The following MLXIP variants were observed in gnomAD, a reference collection of about 807,000 sequenced individuals.
MLXIP encodes MLX interacting protein, also known as MLX-interacting protein.
In MLXIP, 30 loss-of-function variants were observed where a neutral mutation model predicts 87.2. The ratio of observed to expected loss-of-function variants is 0.34; its 90% CI spans 0.26 to 0.47. The LOEUF (loss-of-function observed/expected upper bound fraction) is 0.47, where lower values mean the gene tolerates loss of function less well. MLXIP is among the 20% of genes least tolerant of loss of function. The pLI is 1.00. For synonymous variants in MLXIP, 530 were observed against 514.0 expected, an observed-to-expected ratio of 1.03 and a Z score of -0.42; for missense variants, 1,002 against 1,240.1, an observed-to-expected ratio of 0.81 and a Z score of 2.88.
intron 5 of MLXIP, 125 bp downstream of exon 5, chr12:122,129,754 G>T: frequency 2.2e-6 from 3 of 1,365,694 alleles, no homozygotes; most frequent in South Asian, 1.3e-5. Flanking sequence ...CTCAGGAATG[G>T]CTCAAGAAGC....
intron 1 of MLXIP, among the ~76,000 whole-genome samples, chr12:122,109,404 A>G (rs542800737): frequency 6.6e-6 from 1 of 152,326 alleles, no homozygotes; most frequent in Admixed American, 6.5e-5. Context: ...GGGTTTTGCC[A>G]TGTTGGCCAG....
At chr12:122,134,181 C>T in intron 9 of MLXIP, 194 bp downstream of exon 9, 2 of 677,880 alleles carry the variant, frequency 3.0e-6, no homozygotes, top group Non-Finnish European at 4.5e-6. Context: ...TTTCTATGCT[C>T]TATCTTTTTT....
At chr12:122,138,161 G>T in intron 12 of MLXIP, 33 bp from the exon 13 acceptor site, 1 of 1,551,826 alleles carries the variant, frequency 6.4e-7, no homozygotes, top group Admixed American at 1.9e-5. Flanking sequence ...CCTGCAATGT[G>T]CCTGTCTTAG....
At chr12:122,100,828 C>T (rs1263765312) in intron 1 of MLXIP, among the ~76,000 whole-genome samples, 1 of 152,196 alleles carries the variant, frequency 6.6e-6, no homozygotes, top group Non-Finnish European at 1.5e-5. Context: ...ATTACTTTTA[C>T]TTACTTCTGG....
intron 1 of MLXIP, among the ~76,000 whole-genome samples, chr12:122,091,158 T>C (rs1427938346): frequency 6.6e-6 from 1 of 152,236 alleles, no homozygotes; most frequent in East Asian, 1.9e-4. Flanking sequence ...AAAACAGTTC[T>C]GACTTTCAAC....
In MLXIP at chr12:122,133,293, G is replaced by C; in HGVS notation, c.1093-55G>C. 1 of 1,512,192 alleles carries C rather than the reference G, an allele frequency of 6.6e-7. No individual in the cohort carries two copies. The highest frequency in any genetic ancestry group is 1.8e-4 in the Middle Eastern group (1 of 5,576). The allele number at this position is 1,512,192 out of a possible 1,614,324, so 93.7% of individuals were successfully genotyped here. ...TTGGACTTGGCAGTGTGCAGCGCTA[G>C]AAAGGAATTGTCTGACCCCAGCATT... On this transcript the variant is annotated intron_variant, in intron 8 of 16. Transcript: ENST00000319080. The surrounding 1 kb of genome is among the most constrained non-coding windows in gnomAD (Gnocchi z 4.9).
At chr12:122,089,484 A>G (rs910798132) in intron 1 of MLXIP, among the ~76,000 whole-genome samples, 4 of 152,238 alleles carry the variant, frequency 2.6e-5, no homozygotes, top group African/African-American at 9.6e-5. Context: ...TCTTTAAATT[A>G]TCAAGCAGAT....
chr12:122,135,456 G>A lies in MLXIP; in HGVS notation c.1855-33G>A. ...TGTGCCGCCCTGCTGTATATCAGCA[G>A]TCAGGGGTGACCTGTCTCCCATGTC... On this transcript the variant is annotated intron_variant, in intron 10 of 16. Transcript: ENST00000319080. The surrounding 1 kb of genome is among the most constrained non-coding windows in gnomAD (Gnocchi z 5.3). 1 of 1,609,182 alleles carries A rather than the reference G, an allele frequency of 6.2e-7. No homozygotes were observed. The highest frequency in any genetic ancestry group is 1.1e-5 in the South Asian group (1 of 90,304).
chr12:122,138,366 G>A (rs896744565), intron 13 of MLXIP, 58 bp from the exon 14 acceptor site: 2 of 1,611,914 alleles, frequency 1.2e-6, no homozygotes, highest in Non-Finnish European at 1.7e-6. Flanking sequence ...CGTGGTCATT[G>A]CTGGTGGCAG....
intron 1 of MLXIP, among the ~76,000 whole-genome samples, chr12:122,119,559 T>C (rs1214481055): frequency 6.6e-6 from 1 of 152,076 alleles, no homozygotes; most frequent in African/African-American, 2.4e-5. Context: ...ACCCGGCTAA[T>C]TTTTTGTATT....
In MLXIP at chr12:122,141,910, CG is replaced by C; in HGVS notation, c.*102del. 2 of 1,535,788 alleles carry C rather than the reference CG, an allele frequency of 1.3e-6. No individual in the cohort carries two copies. Among genetic ancestry groups the C allele is most frequent in the African/African-American group, 1.4e-5 (1 of 73,714 alleles). ...CCCAGCCCTTCCTGACGCTCAGCCTCGGGGCCTCTCTCCAACTCTGCCGGCC... is the reference window on the plus strand; with the variant it reads ...CCCAGCCCTTCCTGACGCTCAGCCTCGGGCCTCTCTCCAACTCTGCCGGCC... On this transcript the variant is annotated 3_prime_UTR_variant, in exon 17 of 17. Transcript: ENST00000319080.
chr12:122,125,401 T>G (rs1462974855), intron 1 of MLXIP, among the ~76,000 whole-genome samples: 2 of 152,218 alleles, frequency 1.3e-5, no homozygotes, highest in African/African-American at 4.8e-5. Flanking sequence ...ATTAATATCT[T>G]TGTGTTTGCT....
intron 7 of MLXIP, among the ~76,000 whole-genome samples, chr12:122,131,292 T>G (rs1341899285): frequency 1.3e-5 from 2 of 151,976 alleles, no homozygotes; most frequent in Non-Finnish European, 2.9e-5. Context: ...TGGGAGTGTT[T>G]CAGAGCCCAG....
rs963505363 is a variant in MLXIP at position 122,144,436 on chromosome 12, A to G, written c.*2624A>G. On this transcript the variant is annotated 3_prime_UTR_variant, in exon 17 of 17. Transcript: ENST00000319080. ...GTCTCTACAAAAAAAAAAAAAAAAA[A>G]AAAAAATTTAGCCGTGTGTAGCAGT... The G allele has an allele frequency of 6.6e-6, 1 of 151,582 alleles. No individual in the cohort carries two copies. The highest frequency in any genetic ancestry group is 6.6e-5 in the Admixed American group (1 of 15,158). The allele number at this position is 151,582 out of a possible 1,614,324, so 9.4% of individuals were successfully genotyped here.
intron 1 of MLXIP, among the ~76,000 whole-genome samples, chr12:122,121,983 C>T (rs1311726151): frequency 2.0e-5 from 3 of 152,198 alleles, no homozygotes; most frequent in East Asian, 1.9e-4. Context: ...CCTGTGCTGG[C>T]GACCCTAGGC....
At chr12:122,092,985 TTGTG>T (rs1169584133) in intron 1 of MLXIP, among the ~76,000 whole-genome samples, 2 of 146,928 alleles carry the variant, frequency 1.4e-5, no homozygotes, top group Non-Finnish European at 3.0e-5. Context: ...TATGTATGTG[TTGTG>T]TGTGTTGTGT....
chr12:122,109,465 T>G (rs1378395184), intron 1 of MLXIP, among the ~76,000 whole-genome samples: 1 of 152,244 alleles, frequency 6.6e-6, no homozygotes, highest in African/African-American at 2.4e-5. Context: ...ATTACAGGTG[T>G]GAGCCACCGT....
At chr12:122,136,657 C>T (rs1463982441) in intron 11 of MLXIP, 2 of 152,024 alleles carry the variant, frequency 1.3e-5, no homozygotes, top group Admixed American at 6.6e-5. Flanking sequence ...TGTAGCTGCT[C>T]CTGGAACTCT....
At chr12:122,094,179 TTGG>T (rs1323272563) in intron 1 of MLXIP, among the ~76,000 whole-genome samples, 5 of 96,728 alleles carry the variant, frequency 5.2e-5, no homozygotes, top group Non-Finnish European at 1.0e-4. Context: ...GTGTGTGGTG[TTGG>T]TGTGTGTTGT....
Sources: gnomAD v4.1 joint callset for allele counts (sites outside exome capture counted in the v4.1 genomes callset) on GRCh38, gnomAD v4.1.1 for gene constraint, Gnocchi (gnomAD v3.1) non-coding constraint, MANE v1.5 for transcripts, NCBI Gene and HGNC (gene_info 2026-07-23, HGNC 2026-07-21) for gene names.